SLC35F4: variants seen among roughly 807,000 people sequenced by gnomAD.
SLC35F4 encodes the protein chromosome 14 open reading frame 36.
SLC35F4 carries 24 observed loss-of-function variants against 44.2 expected under a neutral mutation model. The observed-to-expected ratio is 0.54, with a 90% CI of 0.39 to 0.76. The LOEUF (loss-of-function observed/expected upper bound fraction) is 0.76. Among genes scored for constraint, SLC35F4 ranks in the 30% least tolerant of loss-of-function variants. The pLI is 0.00. For synonymous variants in SLC35F4, 238 were observed against 223.6 expected (o/e 1.06, Z -0.57); for missense variants, 562 against 586.1 (o/e 0.96, Z 0.42).
intron 1 of SLC35F4, among the ~76,000 whole-genome samples, chr14:57,921,328 T>C (rs1889438760): frequency 6.6e-6 from 1 of 152,184 alleles, no homozygotes. Flanking sequence ...CTGGAAGTCA[T>C]TCTCGTGACA....
chr14:57,833,765 G>T lies in SLC35F4; in HGVS notation c.103+31958C>A, dbSNP rs74053363. On this transcript the variant is annotated intron_variant, in intron 1 of 7. Coordinates refer to ENST00000556826, the MANE Select transcript of SLC35F4 (RefSeq NM_001306087.2). ...AATTTGCTCATTAGGGTAGCTGTTG[G>T]CATATTTAAATATACCATGGAGACT... 2.1e-3 allele frequency among the ~76,000 whole-genome samples: 319 copies of T among 152,288 alleles called. 1 individual carries two copies. The highest frequency in any genetic ancestry group is 7.3e-3 in the African/African-American group (303 of 41,556).
chr14:57,805,928 G>A (rs1384391655), intron 1 of SLC35F4, among the ~76,000 whole-genome samples: 1 of 152,090 alleles, frequency 6.6e-6, no homozygotes, highest in East Asian at 1.9e-4. Context: ...AACCAGGTTT[G>A]GAATATTCTC....
At chr14:57,570,750 C>T (rs111894083) in intron 5 of SLC35F4, among the ~76,000 whole-genome samples, 2,008 of 152,306 alleles carry the variant, frequency 0.013, 48 homozygotes, top group African/African-American at 0.046. Context: ...AGAATGAATA[C>T]ATTCTGTAAC....
chr14:57,894,441 T>C (rs1284403460), intron 1 of SLC35F4, among the ~76,000 whole-genome samples: 2 of 152,106 alleles, frequency 1.3e-5, no homozygotes, highest in Non-Finnish European at 2.9e-5. Context: ...GTAAACATGA[T>C]AACCTTTGAA....
intron 1 of SLC35F4, among the ~76,000 whole-genome samples, chr14:57,859,430 T>C (rs969391445): frequency 5.9e-5 from 9 of 152,198 alleles, no homozygotes; most frequent in Admixed American, 5.9e-4. Context: ...TGTTTTAATC[T>C]CCCTTTGCTC....
chr14:57,917,698 T>G (rs532710591), intron 1 of SLC35F4, among the ~76,000 whole-genome samples: 1 of 152,292 alleles, frequency 6.6e-6, no homozygotes, highest in East Asian at 1.9e-4. Flanking sequence ...TTACTTCAAT[T>G]TAAATTTTAG....
chr14:57,706,164 A>G (rs542970394), intron 1 of SLC35F4, among the ~76,000 whole-genome samples: 1 of 152,314 alleles, frequency 6.6e-6, no homozygotes, highest in South Asian at 2.1e-4. Flanking sequence ...ATCGGTTACT[A>G]GTAATAACTA....
intron 1 of SLC35F4, among the ~76,000 whole-genome samples, chr14:57,877,822 T>A (rs1437360115): frequency 2.0e-5 from 3 of 151,592 alleles, no homozygotes; most frequent in Admixed American, 2.0e-4. Context: ...GTAGATGGGA[T>A]TACAGGCTTA....
At chr14:57,745,021 G>T (rs897301188) in intron 1 of SLC35F4, among the ~76,000 whole-genome samples, 14 of 152,148 alleles carry the variant, frequency 9.2e-5, no homozygotes, top group Admixed American at 2.6e-4. Flanking sequence ...AATGGTGCTG[G>T]CTAGCCATAT....
chr14:57,819,971 T>C, intron 1 of SLC35F4, among the ~76,000 whole-genome samples: 1 of 152,278 alleles, frequency 6.6e-6, no homozygotes, highest in Non-Finnish European at 1.5e-5. Flanking sequence ...CACACCTATA[T>C]GAAAACCCAA....
chr14:57,846,566 T>A (rs1886042301), intron 1 of SLC35F4, among the ~76,000 whole-genome samples: 1 of 152,130 alleles, frequency 6.6e-6, no homozygotes, highest in Admixed American at 6.5e-5. Flanking sequence ...TTCCTGAGAG[T>A]CTTTAGTGAA....
In SLC35F4 at chr14:57,651,025, C is replaced by T. The variant is rs147126321; in HGVS notation, c.104-56901G>A. 2.2e-3 allele frequency among the ~76,000 whole-genome samples: 339 copies of T among 152,288 alleles called. 1 individual carries two copies. Among genetic ancestry groups the T allele is most frequent in the African/African-American group, 7.3e-3 (302 of 41,562 alleles). ...CCCTCAGTTATACTCCATAACATTA[C>T]TCCATTTATTTCCTTTAATATTTAG... On this transcript the variant is annotated intron_variant, in intron 1 of 7. Coordinates refer to ENST00000556826, the MANE Select transcript of SLC35F4 (RefSeq NM_001306087.2).
At chr14:57,869,695 T>G (rs1888255721), upstream of SLC35F4, among the ~76,000 whole-genome samples, 1 of 152,236 alleles carries the variant, frequency 6.6e-6, no homozygotes, top group Non-Finnish European at 1.5e-5. Flanking sequence ...ACCAGCACTG[T>G]TTACAAAGAG....
At chr14:57,820,902 G>A (rs1287460304) in intron 1 of SLC35F4, among the ~76,000 whole-genome samples, 1 of 152,144 alleles carries the variant, frequency 6.6e-6, no homozygotes, top group African/African-American at 2.4e-5. Context: ...CTAATGCCTT[G>A]GAAGTGTCTG....
At chr14:57,788,399 A>C (rs1203480674) in intron 1 of SLC35F4, among the ~76,000 whole-genome samples, 2 of 152,192 alleles carry the variant, frequency 1.3e-5, no homozygotes, top group African/African-American at 4.8e-5. Context: ...ATTTAACTAT[A>C]CTTTGGAACA....
At chr14:57,902,389 C>T (rs1354592784) in intron 1 of SLC35F4, among the ~76,000 whole-genome samples, 2 of 151,952 alleles carry the variant, frequency 1.3e-5, no homozygotes, top group African/African-American at 2.4e-5. Flanking sequence ...CATGGAGAAA[C>T]CCTGTCCCTA....
chr14:57,713,235 A>C (rs1182221372), intron 1 of SLC35F4, among the ~76,000 whole-genome samples: 1 of 152,174 alleles, frequency 6.6e-6, no homozygotes, highest in African/African-American at 2.4e-5. Context: ...TTATTTTTGC[A>C]GTTCAAGCAG....
chr14:57,629,787 G>A (rs1488384776), intron 1 of SLC35F4: 3 of 304,878 alleles, frequency 9.8e-6, no homozygotes, highest in Non-Finnish European at 1.9e-5. Context: ...GAACATGAAT[G>A]AGAAATTACA....
intron 1 of SLC35F4, among the ~76,000 whole-genome samples, chr14:57,938,279 A>G (rs1889852010): frequency 6.6e-6 from 1 of 152,176 alleles, no homozygotes; most frequent in African/African-American, 2.4e-5. Flanking sequence ...CAGACAGAGG[A>G]AAAAACAAAG....
Sources: gnomAD v4.1 joint callset for allele counts (sites outside exome capture counted in the v4.1 genomes callset) on GRCh38, gnomAD v4.1.1 for gene constraint, MANE v1.5 for transcripts, NCBI Gene and HGNC (gene_info 2026-07-23, HGNC 2026-07-21) for gene names.